Variants in BMPR2 observed in about 807,000 individuals in gnomAD.
BMPR2 encodes bone morphogenetic protein receptor type-2.
In BMPR2, 29 loss-of-function variants were observed where a neutral mutation model predicts 100.8. The observed-to-expected ratio is 0.29, with a 90% CI of 0.21 to 0.39. The LOEUF is 0.39. BMPR2 is among the 10% of genes least tolerant of loss of function. The pLI, the probability that BMPR2 is intolerant of heterozygous loss-of-function variation, is 1.00. For synonymous variants in BMPR2, 382 were observed against 442.3 expected (o/e 0.86, Z 1.71); for missense variants, 1,011 against 1,274.5 (o/e 0.79, Z 3.15).
At chr2:202,452,873 TA>T (rs1381183665) in intron 1 of BMPR2, among the ~76,000 whole-genome samples, 4 of 152,162 alleles carry the variant, frequency 2.6e-5, no homozygotes, top group Non-Finnish European at 5.9e-5. Context: ...AAGTATGTGA[TA>T]GGGGATCCCG....
intron 3 of BMPR2, among the ~76,000 whole-genome samples, chr2:202,471,337 G>A (rs1312388052): frequency 6.6e-6 from 1 of 152,130 alleles, no homozygotes; most frequent in African/African-American, 2.4e-5. Flanking sequence ...AATCATCAAA[G>A]GATCCTAAAT....
chr2:202,458,476 A>T (rs904949196), intron 1 of BMPR2, among the ~76,000 whole-genome samples: 7 of 151,740 alleles, frequency 4.6e-5, no homozygotes, highest in African/African-American at 1.7e-4. Flanking sequence ...TCTCAAAAAA[A>T]ATTTTTTTTT....
intron 1 of BMPR2, among the ~76,000 whole-genome samples, chr2:202,418,529 G>T (rs572872969): frequency 6.6e-6 from 1 of 152,278 alleles, no homozygotes; most frequent in South Asian, 2.1e-4. Flanking sequence ...AAGGTGCTTG[G>T]GTTACAGCTT....
At chr2:202,379,235 C>T (rs1690219449) in intron 1 of BMPR2, among the ~76,000 whole-genome samples, 1 of 152,178 alleles carries the variant, frequency 6.6e-6, no homozygotes, top group South Asian at 2.1e-4. Context: ...CATGCACCAT[C>T]AGCTATTCAA....
At chr2:202,393,470 A>T (rs190230708) in intron 1 of BMPR2, among the ~76,000 whole-genome samples, 2,061 of 151,854 alleles carry the variant, frequency 0.014, 31 homozygotes, top group Admixed American at 0.023. Context: ...AAATATATAT[A>T]TTTTTTTGTA....
chr2:202,481,113 A>T (rs544285468), intron 3 of BMPR2, among the ~76,000 whole-genome samples: 1 of 152,224 alleles, frequency 6.6e-6, no homozygotes, highest in Admixed American at 6.5e-5. Flanking sequence ...AATTAGTTTT[A>T]AAATAGAGAA....
chr2:202,385,861 T>C (rs2105898956), intron 1 of BMPR2, among the ~76,000 whole-genome samples: 1 of 152,302 alleles, frequency 6.6e-6, no homozygotes, highest in Middle Eastern at 3.4e-3. Context: ...TTAGGTTGTT[T>C]CCGATTTTCT....
chr2:202,487,024 A>G (rs934236241), intron 3 of BMPR2, among the ~76,000 whole-genome samples: 4 of 152,226 alleles, frequency 2.6e-5, no homozygotes, highest in Admixed American at 1.3e-4. Flanking sequence ...ATTATGCTGT[A>G]CAAATTATAC....
Position 202,564,767 on chromosome 2 carries a change from G to A in BMPR2, c.*4821G>A, listed in dbSNP as rs571330474. Reference sequence around the variant, plus strand: ...TTTCCTTAAATCACCTCATAGTTAGGCTGGGCGCGGTGGCTCACGCCTGTA... The same window carrying A: ...TTTCCTTAAATCACCTCATAGTTAGACTGGGCGCGGTGGCTCACGCCTGTA... On this transcript the variant is annotated 3_prime_UTR_variant, in exon 13 of 13. Transcript: ENST00000374580. The A allele has an allele frequency of 1.3e-5, 2 of 152,286 alleles. No homozygotes were observed. The highest frequency in any genetic ancestry group is 4.2e-4 in the South Asian group (2 of 4,816). 9.4% of individuals were successfully genotyped at this position (152,286 alleles called of 1,614,324 possible).
At chr2:202,547,774 T>G (rs1359994072) in intron 10 of BMPR2, among the ~76,000 whole-genome samples, 1 of 100,854 alleles carries the variant, frequency 9.9e-6, no homozygotes, top group Non-Finnish European at 1.9e-5. Flanking sequence ...CAGAGCAAGA[T>G]CCATCACAAA....
rs993557671 is a variant in BMPR2, at chr2:202,503,205, G to C, written c.419-10514G>C. 5.3e-5 allele frequency among the ~76,000 whole-genome samples: 8 copies of C among 152,240 alleles called. No homozygotes were observed. The highest frequency in any genetic ancestry group is 1.0e-4 in the Non-Finnish European group (7 of 68,046). Reference sequence around the variant, plus strand: ...GGGTGTCCTGTTTAGAGGGGGGATTGAGAGGTAACAGCGTGCTGGCAGTCC... The same window carrying C: ...GGGTGTCCTGTTTAGAGGGGGGATTCAGAGGTAACAGCGTGCTGGCAGTCC... On this transcript the variant is annotated intron_variant, in intron 3 of 12. Transcript: ENST00000374580. The surrounding 1 kb of genome is among the most constrained non-coding windows in gnomAD (Gnocchi z 4.0).
At chr2:202,482,221 C>A (rs1015965101) in intron 3 of BMPR2, among the ~76,000 whole-genome samples, 2 of 152,020 alleles carry the variant, frequency 1.3e-5, no homozygotes, top group African/African-American at 4.8e-5. Context: ...TCCATTCATC[C>A]ATCGTGGACA....
intron 12 of BMPR2, among the ~76,000 whole-genome samples, chr2:202,558,593 T>TAAG (rs1160938386): frequency 6.6e-6 from 1 of 152,146 alleles, no homozygotes; most frequent in Non-Finnish European, 1.5e-5. Context: ...TCTGAGTCAG[T>TAAG]AAGACATCGT....
intron 1 of BMPR2, among the ~76,000 whole-genome samples, chr2:202,412,794 A>G (rs1182170942): frequency 1.3e-5 from 2 of 152,100 alleles, no homozygotes; most frequent in South Asian, 4.2e-4. Flanking sequence ...TTTTTGTGCA[A>G]ACTGATTTTC....
chr2:202,556,538 G>A lies in BMPR2; in HGVS notation c.2866+7G>A, dbSNP rs779897152. ...GATGGCAGCAGTATACAGAGTAAGT[G>A]GAGGGATCATATAATCTCTCCTGTG... On this transcript the variant is annotated splice_region_variant and intron_variant, in intron 12 of 12. Coordinates refer to ENST00000374580, the MANE Select transcript of BMPR2 (RefSeq NM_001204.7). 6.2e-6 allele frequency: 10 copies of A among 1,610,650 alleles called. No individual in the cohort carries two copies. The highest frequency in any genetic ancestry group is 1.6e-4 in the Middle Eastern group (1 of 6,084).
chr2:202,385,729 GT>G (rs71031894), intron 1 of BMPR2, among the ~76,000 whole-genome samples: 108,563 of 149,700 alleles, frequency 0.73, 39,298 homozygotes, highest in African/African-American at 0.74. Flanking sequence ...AATTATATCT[GT>G]TTTTTTTACA....
At chr2:202,547,903 G>A (rs1688404945) in intron 10 of BMPR2, among the ~76,000 whole-genome samples, 2 of 151,922 alleles carry the variant, frequency 1.3e-5, no homozygotes, top group Non-Finnish European at 2.9e-5. Flanking sequence ...GGCCAACATG[G>A]TGAAACCCTG....
At chr2:202,447,448 G>T (rs887953519) in intron 1 of BMPR2, among the ~76,000 whole-genome samples, 3 of 150,682 alleles carry the variant, frequency 2.0e-5, no homozygotes, top group Non-Finnish European at 4.4e-5. Flanking sequence ...TCCCAACACT[G>T]TGGGAGCCTG....
At chr2:202,519,929 A>G (rs1398678772) in intron 6 of BMPR2, among the ~76,000 whole-genome samples, 158 bp from the exon 7 acceptor site, 1 of 152,170 alleles carries the variant, frequency 6.6e-6, no homozygotes, top group Non-Finnish European at 1.5e-5. Context: ...CAGAAATGTC[A>G]TACTAACTCT....
Sources: allele counts gnomAD v4.1 joint callset (sites outside exome capture counted in the v4.1 genomes callset), GRCh38; gene constraint gnomAD v4.1.1; non-coding constraint Gnocchi (gnomAD v3.1); transcripts MANE v1.5; gene names NCBI Gene and HGNC (gene_info 2026-07-23, HGNC 2026-07-21).